Variants in ATG2B observed in about 807,000 individuals in gnomAD.
The protein encoded by ATG2B is autophagy related 2B.
Under a neutral mutation model 241.3 loss-of-function variants are expected in ATG2B, and 121 were observed. The observed-to-expected ratio is 0.50, with a 90% CI of 0.43 to 0.58. The LOEUF is 0.58. Ranked by LOEUF, ATG2B falls within the 20% of genes least tolerant of loss-of-function variation. The probability of loss-of-function intolerance (pLI) is 0.00; values close to 1 mark genes in which losing one functional copy is unlikely to be tolerated. For synonymous variants in ATG2B, 858 were observed against 876.6 expected (o/e 0.98, Z 0.37); for missense variants, 2,306 against 2,491.6 (o/e 0.93, Z 1.59).
In ATG2B at chr14:96,303,803, G is replaced by A. The variant is rs1034020765; in HGVS notation, c.4843-548C>T. On this transcript the variant is annotated intron_variant, in intron 32 of 41. Coordinates refer to ENST00000359933, the MANE Select transcript of ATG2B (RefSeq NM_018036.7). ...AGAAGCTTGACTAATATTTCTATTT[G>A]ACCTTGGTAAAATCCCTTATTTCCA... Among the ~76,000 whole-genome samples the A allele has an allele frequency of 2.0e-5, 3 of 152,104 alleles. No homozygotes were observed. In the South Asian group the frequency reaches 6.2e-4, roughly 31 times the overall value.
chr14:96,323,163 G>A (rs1194665703), intron 16 of ATG2B, among the ~76,000 whole-genome samples: 1 of 152,130 alleles, frequency 6.6e-6, no homozygotes, highest in Non-Finnish European at 1.5e-5. Flanking sequence ...AAAGGGAGAA[G>A]CTGATTAGGA....
chr14:96,333,803 A>G lies in ATG2B; in HGVS notation c.1092T>C (p.Tyr364=). ...KNRPMQQEDE[Y]RIQMELNRYY... ...ACCGGTTTAATTCCATCTGAATTCG[A>G]TACTCGTCTTCCTGCTGCATGGGTC... Residue 364 remains tyrosine (Y), a synonymous_variant, in exon 8 of 42, where the codon TAT becomes TAC. Transcript: ENST00000359933. 1 of 1,613,956 alleles carries G rather than the reference A, an allele frequency of 6.2e-7. No homozygotes were observed. The highest frequency in any genetic ancestry group is 1.7e-4 in the Middle Eastern group (1 of 6,060).
chr14:96,315,352 T>TC (rs1170959993), intron 22 of ATG2B, 32 bp downstream of exon 22: 1 of 1,601,470 alleles, frequency 6.2e-7, no homozygotes, highest in African/African-American at 1.3e-5. Context: ...TAGAATCAAA[T>TC]CAACAGTGGC....
rs754909414 is a variant in ATG2B at position 96,331,362 on chromosome 14, A to G, written c.1730+14T>C. ...GAAGTTTAAAGGATCATTAATACAT[A>G]TGTGAGAGTTTACCTAAGGTGATCG... On this transcript the variant is annotated intron_variant, in intron 11 of 41. Transcript: ENST00000359933. The G allele has an allele frequency of 6.2e-7, 1 of 1,601,786 alleles. No homozygotes were observed. Among genetic ancestry groups the G allele is most frequent in the Non-Finnish European group, 8.5e-7 (1 of 1,175,196 alleles).
chr14:96,291,321 T>A (rs1886478383), intron 38 of ATG2B, among the ~76,000 whole-genome samples: 1 of 152,208 alleles, frequency 6.6e-6, no homozygotes, highest in Admixed American at 6.5e-5. Context: ...TACTAAGAAC[T>A]TCCAATCTTT....
intron 1 of ATG2B, among the ~76,000 whole-genome samples, chr14:96,347,826 GCAATTAA>G (rs1026475602): frequency 2.0e-5 from 3 of 152,138 alleles, no homozygotes; most frequent in Non-Finnish European, 2.9e-5. Flanking sequence ...CAGAAGACAG[GCAATTAA>G]CAAATGCTGG....
intron 34 of ATG2B, among the ~76,000 whole-genome samples, chr14:96,300,067 GCT>G (rs1227890186): frequency 1.3e-5 from 2 of 152,202 alleles, no homozygotes; most frequent in African/African-American, 4.8e-5. Flanking sequence ...TGTTTTCCTA[GCT>G]TTTATGTCTT....
chr14:96,281,840 C>T lies in ATG2B; in HGVS notation c.*3915G>A, dbSNP rs1886207377. On this transcript the variant is annotated 3_prime_UTR_variant, in exon 42 of 42. Transcript: ENST00000359933. ...AAGCAAAATATACCTCTAACACCTACGTTTACCAAAAAAGCTGACATCTCA... is the reference window on the plus strand; with the variant it reads ...AAGCAAAATATACCTCTAACACCTATGTTTACCAAAAAAGCTGACATCTCA... 1 of 152,160 alleles carries T rather than the reference C, an allele frequency of 6.6e-6. No homozygotes were observed. Among genetic ancestry groups the T allele is most frequent in the African/African-American group, 2.4e-5 (1 of 41,422 alleles). 9.4% of individuals were successfully genotyped at this position (152,160 alleles called of 1,614,324 possible). A position where few individuals can be genotyped will look rare whatever the true frequency, so the allele number is the denominator to read the frequency against.
rs1242962465 is a variant in ATG2B at position 96,306,841 on chromosome 14, T to G, written c.4379A>C (p.Asn1460Thr). Residue 1460 changes from asparagine to threonine, a missense_variant, in exon 30 of 42, where the codon AAT becomes ACT. Transcript: ENST00000359933. Reference protein sequence around the residue: ...DLFLFPDESGNVSQESGPTYA... With the variant: ...DLFLFPDESGTVSQESGPTYA... Reference sequence around the variant, plus strand: ...GGTGGGGCCGGACTCCTGGGATACATTCCCACTCTCGTCAGGAAACAGGAA... The same window carrying G: ...GGTGGGGCCGGACTCCTGGGATACAGTCCCACTCTCGTCAGGAAACAGGAA... 3 of 1,614,152 alleles carry G rather than the reference T, an allele frequency of 1.9e-6. No homozygotes were observed. Among genetic ancestry groups the G allele is most frequent in the Non-Finnish European group, 2.5e-6 (3 of 1,180,008 alleles).
chr14:96,361,229 A>G (rs1217770806), intron 1 of ATG2B, among the ~76,000 whole-genome samples: 2 of 152,192 alleles, frequency 1.3e-5, no homozygotes, highest in Non-Finnish European at 2.9e-5. Flanking sequence ...CTGATTTCCC[A>G]TAAGGACTAA....
At position 96,289,818 on chromosome 14, in the gene ATG2B, G is replaced by T; in HGVS notation, c.5857-13C>A. 1.2e-6 allele frequency: 2 copies of T among 1,613,554 alleles called. No homozygotes were observed. Among genetic ancestry groups the T allele is most frequent in the Non-Finnish European group, 1.7e-6 (2 of 1,179,688 alleles). ...TCTCTGCAGCTGCCTGGATCATTTT[G>T]TCAAAAGGAAGAAATGAATTAGAAG... On this transcript the variant is annotated splice_polypyrimidine_tract_variant and intron_variant, in intron 40 of 41. Transcript: ENST00000359933. The surrounding 1 kb of genome is among the most constrained non-coding windows in gnomAD (Gnocchi z 4.3).
intron 1 of ATG2B, among the ~76,000 whole-genome samples, chr14:96,355,899 C>T (rs551393928): frequency 4.5e-4 from 69 of 152,136 alleles, no homozygotes; most frequent in African/African-American, 1.5e-3. Context: ...TGGCTGAGGG[C>T]GGTGGCTCAC....
Position 96,341,678 on chromosome 14 carries a change from A to G in ATG2B, c.768T>C (p.Pro256=), listed in dbSNP as rs772911834. 27 of 1,581,606 alleles carry G rather than the reference A, an allele frequency of 1.7e-5. No homozygotes were observed. Among genetic ancestry groups the G allele is most frequent in the Non-Finnish European group, 2.3e-5 (27 of 1,162,188 alleles). ...APVETEPKLS[P]SWNPKIIYEP... is the part of the protein sequence containing the mutation. ...CATAAATAATTTTGGGGTTCCAGCT[A>G]GGTGAGAGCTTTGGCTCAGTTTCCT... Residue 256 remains proline, a synonymous_variant, in exon 6 of 42, where the codon CCT becomes CCC. Coordinates refer to ENST00000359933, the MANE Select transcript of ATG2B (RefSeq NM_018036.7).
intron 23 of ATG2B, 60 bp from the exon 24 acceptor site, chr14:96,313,495 A>G: frequency 1.2e-6 from 1 of 833,258 alleles, no homozygotes; most frequent in Non-Finnish European, 1.9e-6. Context: ...TTCATATAAT[A>G]TCCTTAATAC....
intron 35 of ATG2B, 126 bp downstream of exon 35, chr14:96,295,356 A>T: frequency 2.3e-6 from 2 of 874,610 alleles, no homozygotes; most frequent in South Asian, 3.6e-5. Context: ...ATCAACAAAA[A>T]TAAACACAGA....
chr14:96,301,967 A>G (rs374992417), intron 34 of ATG2B, 40 bp downstream of exon 34: 1 of 1,437,750 alleles, frequency 7.0e-7, no homozygotes, highest in African/African-American at 1.4e-5. Context: ...ATGCAGTCTA[A>G]TCTAACTGTA....
Position 96,328,699 on chromosome 14 carries a change from T to C in ATG2B, c.1949A>G (p.Lys650Arg), listed in dbSNP as rs1566727188. Reference sequence around the variant, plus strand: ...CTGGGGCCCTCTATTCTCAGAATGCTTATAATGAAGCTGAAGACACACAGG... The same window carrying C: ...CTGGGGCCCTCTATTCTCAGAATGCCTATAATGAAGCTGAAGACACACAGG... ...HSPVCLQLHYKHSENRGPQGN... is the reference protein window; with the variant it reads ...HSPVCLQLHYRHSENRGPQGN... Residue 650 changes from lysine to arginine, a missense_variant, in exon 13 of 42, where the codon AAG becomes AGG. Around this residue, in one of 2 missense-constraint regions of ATG2B, gnomAD observed 1,927 missense variants for 2,011.2 expected, o/e 0.96. Transcript: ENST00000359933. 6.2e-7 allele frequency: 1 copy of C among 1,611,158 alleles called. No individual in the cohort carries two copies. The highest frequency in any genetic ancestry group is 8.5e-7 in the Non-Finnish European group (1 of 1,179,114).
chr14:96,329,092 T>C (rs1233321640), intron 12 of ATG2B, among the ~76,000 whole-genome samples: 1 of 152,178 alleles, frequency 6.6e-6, no homozygotes, highest in Non-Finnish European at 1.5e-5. Context: ...TTAGGAAAAA[T>C]ATCAGAAAAA....
At chr14:96,300,925 AAAC>A (rs1485180112) in intron 34 of ATG2B, among the ~76,000 whole-genome samples, 3 of 152,204 alleles carry the variant, frequency 2.0e-5, no homozygotes, top group Admixed American at 6.5e-5. Context: ...AGTTTTATTT[AAAC>A]AACTAATGAA....
Sources: gnomAD v4.1 joint callset for allele counts (sites outside exome capture counted in the v4.1 genomes callset) on GRCh38, gnomAD v4.1.1 for gene constraint, gnomAD v4.1.1 regional missense constraint, Gnocchi (gnomAD v3.1) non-coding constraint, MANE v1.5 for transcripts, NCBI Gene and HGNC (gene_info 2026-07-23, HGNC 2026-07-21) for gene names.